The following LOXHD1 variants were observed in gnomAD, a reference collection of about 807,000 sequenced individuals.
LOXHD1 encodes the protein lipoxygenase homology PLAT domains 1.
Under a neutral mutation model 248.2 loss-of-function variants are expected in LOXHD1, and 205 were observed. The ratio of observed to expected loss-of-function variants is 0.83; its 90% CI spans 0.74 to 0.93. The LOEUF (loss-of-function observed/expected upper bound fraction) is 0.93, where lower values mean the gene tolerates loss of function less well. Among genes scored for constraint, LOXHD1 ranks in the 40% least tolerant of loss-of-function variants. LOXHD1 has a pLI of 0.00. For missense variants in LOXHD1, 2,930 were observed against 2,971.6 expected (o/e 0.99, Z 0.33); for synonymous variants, 1,113 against 1,162.8 (o/e 0.96, Z 0.87).
Position 46,578,362 on chromosome 18 carries a change from A to G in LOXHD1, c.1810-495T>C, listed in dbSNP as rs574531833. On this transcript the variant is annotated intron_variant, in intron 13 of 40. Transcript: ENST00000642948. The stretch of plus-strand genomic sequence containing the variant: ...CACCTGGGAGCCTTCAGGGACAGAA[A>G]CACTGAAGGTGGGATTGATGGACAA... Among the ~76,000 whole-genome samples the G allele has an allele frequency of 2.6e-5, 4 of 152,320 alleles. No homozygotes were observed. In the East Asian group the frequency reaches 5.8e-4, roughly 22 times the overall value.
chr18:46,494,114 A>T (rs1236243120), intron 37 of LOXHD1, among the ~76,000 whole-genome samples: 1 of 151,972 alleles, frequency 6.6e-6, no homozygotes, highest in Non-Finnish European at 1.5e-5. Flanking sequence ...TTGCTTGTCC[A>T]TTCTCTTGGC....
intron 17 of LOXHD1, 53 bp downstream of exon 17, chr18:46,566,204 G>A (rs2037636395): frequency 6.7e-7 from 1 of 1,503,184 alleles, no homozygotes; most frequent in African/African-American, 1.4e-5. Context: ...CTTCCCCTCA[G>A]CCCCATCCCC....
At chr18:46,619,275 T>C (rs772961610) in intron 4 of LOXHD1, among the ~76,000 whole-genome samples, 9 of 152,204 alleles carry the variant, frequency 5.9e-5, no homozygotes, top group Non-Finnish European at 1.0e-4. Flanking sequence ...CTAGAGCTGT[T>C]CTAATCAAGG....
intron 21 of LOXHD1, among the ~76,000 whole-genome samples, chr18:46,556,980 C>T (rs567625026): frequency 6.7e-6 from 1 of 149,338 alleles, no homozygotes; most frequent in East Asian, 2.0e-4. Flanking sequence ...CCCTCATACT[C>T]ACCCACTCTC....
At position 46,538,090 on chromosome 18, in the gene LOXHD1, G is replaced by A. The variant is rs2036392896; in HGVS notation, c.4095+66C>T. 2.8e-6 allele frequency: 4 copies of A among 1,404,672 alleles called. No homozygotes were observed. In the South Asian group the frequency reaches 4.1e-5, roughly 14 times the overall value. 87.0% of individuals were successfully genotyped at this position (1,404,672 alleles called of 1,614,324 possible). On this transcript the variant is annotated intron_variant, in intron 26 of 40. Transcript: ENST00000642948. ...GAAGGGCATGTGTTCTGCCCTGAAGGTAGGGCTTCTCCTCTCCCTCTGTCT... is the reference window on the plus strand; with the variant it reads ...GAAGGGCATGTGTTCTGCCCTGAAGATAGGGCTTCTCCTCTCCCTCTGTCT...
Position 46,488,989 on chromosome 18 carries a change from T to C in LOXHD1, c.6032A>G (p.Asp2011Gly). The change falls in exon 38 of 41, where the codon GAT becomes GGT. Residue 2011 changes from aspartate to glycine, a missense_variant. Asp to Gly is a moderately conservative substitution (Grantham distance 94). Coordinates refer to ENST00000642948, the MANE Select transcript of LOXHD1 (RefSeq NM_001384474.1). ...DFACANNKIC[D>G]ELEETTYEIV... The stretch of plus-strand genomic sequence containing the variant: ...CCACATACTGGTCTCTTCCAGCTCA[T>C]CACAGATCTTGTTGTTGGCACAGGC... The C allele has an allele frequency of 6.4e-7, 1 of 1,551,700 alleles. No homozygotes were observed. The highest frequency in any genetic ancestry group is 8.7e-7 in the Non-Finnish European group (1 of 1,146,992).
chr18:46,565,424 T>C (rs562620707), intron 17 of LOXHD1, among the ~76,000 whole-genome samples: 31 of 152,222 alleles, frequency 2.0e-4, no homozygotes, highest in Non-Finnish European at 3.4e-4. Flanking sequence ...TTCATTCGCA[T>C]TATCCTATTA....
Position 46,644,078 on chromosome 18 carries a change from A to T in LOXHD1, c.246-2042T>A, listed in dbSNP as rs1373575994. On this transcript the variant is annotated intron_variant, in intron 2 of 40. Transcript: ENST00000642948. Reference sequence around the variant, plus strand: ...ATACATTTTTAACTTTCCAAAAGGAACACATATTGTTTCTGTAATTATGAA... The same window carrying T: ...ATACATTTTTAACTTTCCAAAAGGATCACATATTGTTTCTGTAATTATGAA... 2.0e-5 allele frequency among the ~76,000 whole-genome samples: 3 copies of T among 152,226 alleles called. No individual in the cohort carries two copies. The East Asian group carries it at 5.8e-4, about 29-fold the overall frequency.
rs577566626 is a variant in LOXHD1 at position 46,605,428 on chromosome 18, G to A, written c.760-1199C>T. Among the ~76,000 whole-genome samples, 11 of 152,290 alleles carry A rather than the reference G, an allele frequency of 7.2e-5. No homozygotes were observed. The East Asian group carries it at 1.7e-3, about 24-fold the overall frequency. ...TATAGTCTCAGCTACGCAGGAGAAT[G>A]GCGTGAACCCAGGAGGTAGAGCTTG... On this transcript the variant is annotated intron_variant, in intron 6 of 40. Transcript: ENST00000642948.
At chr18:46,554,517 T>C (rs866812690) in intron 21 of LOXHD1, among the ~76,000 whole-genome samples, 2 of 152,170 alleles carry the variant, frequency 1.3e-5, no homozygotes, top group Non-Finnish European at 2.9e-5. Flanking sequence ...GCTCCCACAG[T>C]AGGCTTTGCA....
chr18:46,563,064 C>T lies in LOXHD1; in HGVS notation c.2598+1G>A. ...CACCCCCGCTCCTCGACCCCACATA[C>T]CTGGAATGTGTCCTTGGACGCCCGT... On this transcript the variant is annotated splice_donor_variant, in intron 18 of 40. Transcript: ENST00000642948. LOFTEE classifies it high-confidence loss of function. The T allele has an allele frequency of 6.5e-7, 1 of 1,540,208 alleles. No homozygotes were observed. The highest frequency in any genetic ancestry group is 8.8e-7 in the Non-Finnish European group (1 of 1,137,530).
At chr18:46,479,453 C>A (rs533704064) in intron 40 of LOXHD1, among the ~76,000 whole-genome samples, 1 of 151,958 alleles carries the variant, frequency 6.6e-6, no homozygotes, top group East Asian at 1.9e-4. Flanking sequence ...AAGGAAAAAG[C>A]CAGACAGCAT....
chr18:46,617,833 T>A (rs921293412), intron 5 of LOXHD1, among the ~76,000 whole-genome samples: 4 of 152,118 alleles, frequency 2.6e-5, no homozygotes, highest in Non-Finnish European at 5.9e-5. Flanking sequence ...CCCAGCAACA[T>A]CCCAAAGTAT....
intron 1 of LOXHD1, among the ~76,000 whole-genome samples, chr18:46,653,234 G>A (rs975510122): frequency 7.9e-5 from 12 of 152,048 alleles, no homozygotes; most frequent in Admixed American, 1.3e-4. Flanking sequence ...GTGACAGAGC[G>A]AGACTCCATC....
chr18:46,523,043 G>T (rs553015501), intron 31 of LOXHD1, among the ~76,000 whole-genome samples: 1 of 152,208 alleles, frequency 6.6e-6, no homozygotes, highest in South Asian at 2.1e-4. Flanking sequence ...TGCCTCCCAG[G>T]TTCAAGTGAT....
chr18:46,566,588 C>G (rs960860018), intron 16 of LOXHD1, 139 bp from the exon 17 acceptor site: 2 of 777,778 alleles, frequency 2.6e-6, no homozygotes, highest in Non-Finnish European at 4.1e-6. Flanking sequence ...CATGGGAAAG[C>G]TGGAATCCCA....
chr18:46,604,015 G>T, intron 7 of LOXHD1, 91 bp downstream of exon 7: 2 of 1,502,452 alleles, frequency 1.3e-6, no homozygotes, highest in Non-Finnish European at 1.8e-6. Flanking sequence ...GCTCCTGTTT[G>T]ATCACAGGCC....
At chr18:46,644,876 AG>A (rs1295548819) in intron 2 of LOXHD1, among the ~76,000 whole-genome samples, 1 of 152,232 alleles carries the variant, frequency 6.6e-6, no homozygotes, top group Non-Finnish European at 1.5e-5. Flanking sequence ...CGTATGTGGA[AG>A]CAGGGACACC....
chr18:46,604,311 CT>C, intron 6 of LOXHD1, 82 bp from the exon 7 acceptor site: 1 of 1,508,734 alleles, frequency 6.6e-7, no homozygotes, highest in South Asian at 1.3e-5. Context: ...CTTCCAATCA[CT>C]TGAGTCTACT....
Sources: gnomAD v4.1 joint callset for allele counts (sites outside exome capture counted in the v4.1 genomes callset) on GRCh38, gnomAD v4.1.1 for gene constraint, MANE v1.5 for transcripts, NCBI Gene and HGNC (gene_info 2026-07-23, HGNC 2026-07-21) for gene names.